KLHL29: variants seen among roughly 807,000 people sequenced by gnomAD.
KLHL29 encodes kelch-like protein 29.
In KLHL29, 21 loss-of-function variants were observed where a neutral mutation model predicts 80.4. That is an observed-to-expected ratio of 0.26 (90% CI 0.19 to 0.38). The LOEUF (loss-of-function observed/expected upper bound fraction) is 0.38, where lower values mean the gene tolerates loss of function less well. KLHL29 is among the 10% of genes least tolerant of loss of function. KLHL29 has a pLI of 1.00. For synonymous variants in KLHL29, 511 were observed against 526.8 expected (o/e 0.97, Z 0.41); for missense variants, 867 against 1,223.9 (o/e 0.71, Z 4.35).
At position 23,541,900 on chromosome 2, in the gene KLHL29, A is replaced by G. The variant is rs116007320; in HGVS notation, c.-45-20252A>G. On this transcript the variant is annotated intron_variant, in intron 2 of 13. Transcript: ENST00000486442. ...CTGGGAAACAGTAGGTGTGTCTTCCATCCAGAAGCTCTTGTTTCTGGCAAT... is the reference window on the plus strand; with the variant it reads ...CTGGGAAACAGTAGGTGTGTCTTCCGTCCAGAAGCTCTTGTTTCTGGCAAT... Among the ~76,000 whole-genome samples the G allele has an allele frequency of 4.3e-3, 650 of 152,258 alleles. 1 individual carries two copies. Among genetic ancestry groups the G allele is most frequent in the African/African-American group, 0.014 (574 of 41,536 alleles).
intron 1 of KLHL29, among the ~76,000 whole-genome samples, chr2:23,451,900 T>TGC (rs1360702198): frequency 2.0e-5 from 3 of 152,156 alleles, no homozygotes; most frequent in Admixed American, 6.5e-5. Flanking sequence ...AGCATGGCAC[T>TGC]GGCATCCTCT....
chr2:23,563,533 C>G (rs1396015539), intron 3 of KLHL29, among the ~76,000 whole-genome samples: 1 of 152,214 alleles, frequency 6.6e-6, no homozygotes, highest in Non-Finnish European at 1.5e-5. Flanking sequence ...GTGTGTGTGT[C>G]TAGGCTTTTC....
At chr2:23,540,022 C>CTGGCA (rs1666787236) in intron 2 of KLHL29, among the ~76,000 whole-genome samples, 3 of 152,168 alleles carry the variant, frequency 2.0e-5, no homozygotes, top group Admixed American at 2.0e-4. Flanking sequence ...TGTGAGTTGA[C>CTGGCA]TCTGGCATCC....
chr2:23,605,279 G>T (rs1014781596), intron 3 of KLHL29, among the ~76,000 whole-genome samples: 5 of 151,666 alleles, frequency 3.3e-5, no homozygotes, highest in Non-Finnish European at 5.9e-5. Flanking sequence ...TTAATTTTTT[G>T]AAGAGACGAG....
chr2:23,484,521 A>G (rs544496548), intron 2 of KLHL29, among the ~76,000 whole-genome samples: 1 of 152,352 alleles, frequency 6.6e-6, no homozygotes, highest in South Asian at 2.1e-4. Flanking sequence ...AGGTGCTGAA[A>G]GTGGAAAACG....
At chr2:23,455,080 G>A (rs935026962) in intron 1 of KLHL29, among the ~76,000 whole-genome samples, 4 of 151,852 alleles carry the variant, frequency 2.6e-5, no homozygotes, top group African/African-American at 7.3e-5. Flanking sequence ...AATTTATTGT[G>A]AATTAAATAA....
chr2:23,604,253 G>A (rs181716531), intron 3 of KLHL29, among the ~76,000 whole-genome samples: 29 of 140,104 alleles, frequency 2.1e-4, no homozygotes, highest in Middle Eastern at 3.5e-3. Context: ...ACAGGCGCCC[G>A]CCACCACGCC....
intron 1 of KLHL29, among the ~76,000 whole-genome samples, chr2:23,430,866 T>C (rs1289110050): frequency 6.6e-6 from 1 of 152,188 alleles, no homozygotes; most frequent in Admixed American, 6.5e-5. Context: ...GCAAAAAGAA[T>C]TGTCTCAGGT....
chr2:23,633,792 T>TGTGTGTGTGTGTGTGTGTG (rs1190935622), intron 3 of KLHL29, among the ~76,000 whole-genome samples: 7 of 151,798 alleles, frequency 4.6e-5, no homozygotes, highest in African/African-American at 7.3e-5. Context: ...TGTGTGTGTG[T>TGTGTGTGTGTGTGTGTGTG]TTAATTTGAC....
chr2:23,634,856 G>GC (rs1553348115), intron 3 of KLHL29, among the ~76,000 whole-genome samples: 2 of 152,160 alleles, frequency 1.3e-5, no homozygotes, highest in African/African-American at 4.8e-5. Flanking sequence ...TCCACCCTGT[G>GC]CATTCATTCA....
At chr2:23,671,920 C>T (rs1407804070) in intron 5 of KLHL29, 3 of 152,406 alleles carry the variant, frequency 2.0e-5, no homozygotes, top group African/African-American at 7.2e-5. Flanking sequence ...TGCCCCAATT[C>T]CCAGCCTCAT....
At chr2:23,641,127 T>G (rs1435374851) in intron 4 of KLHL29, among the ~76,000 whole-genome samples, 1 of 152,104 alleles carries the variant, frequency 6.6e-6, no homozygotes, top group Non-Finnish European at 1.5e-5. Context: ...GCTCATTTAG[T>G]CAGAGGCATC....
At chr2:23,640,441 C>T (rs1669736498) in intron 4 of KLHL29, among the ~76,000 whole-genome samples, 1 of 152,166 alleles carries the variant, frequency 6.6e-6, no homozygotes, top group Non-Finnish European at 1.5e-5. Context: ...GGGCCCCACC[C>T]ATTACGCTTT....
intron 1 of KLHL29, among the ~76,000 whole-genome samples, chr2:23,394,878 A>G (rs1279031148): frequency 6.6e-6 from 1 of 152,212 alleles, no homozygotes; most frequent in East Asian, 1.9e-4. Context: ...TTGTGGTCAG[A>G]AGGCTTCCTG....
intron 1 of KLHL29, among the ~76,000 whole-genome samples, chr2:23,387,637 A>G (rs923762623): frequency 2.0e-5 from 3 of 152,100 alleles, no homozygotes; most frequent in African/African-American, 4.8e-5. Flanking sequence ...TAGAGAAAAC[A>G]TGTCCAGTAA....
At chr2:23,674,352 C>T (rs568055417) in intron 5 of KLHL29, among the ~76,000 whole-genome samples, 1 of 152,234 alleles carries the variant, frequency 6.6e-6, no homozygotes, top group South Asian at 2.1e-4. Context: ...TCTGAGTCTG[C>T]CTCTGAAGGA....
chr2:23,574,861 A>C (rs1483961559), intron 3 of KLHL29, among the ~76,000 whole-genome samples: 2 of 152,206 alleles, frequency 1.3e-5, no homozygotes, highest in Non-Finnish European at 2.9e-5. Flanking sequence ...GGTGTCGGTC[A>C]CAGGGAGCAG....
At chr2:23,643,155 C>A in intron 5 of KLHL29, 1 of 539,412 alleles carries the variant, frequency 1.9e-6, no homozygotes, top group Non-Finnish European at 3.4e-6. Flanking sequence ...GCCATTCTCA[C>A]CTCCAACCCC....
rs987267381 is a variant in KLHL29 at position 23,706,847 on chromosome 2, C to T, written c.*183C>T. The stretch of plus-strand genomic sequence containing the variant: ...AAATCATCCTCGCCTTTGGATGAAA[C>T]GGAGGCACCGCGCTTGGAGCCGCAG... On this transcript the variant is annotated 3_prime_UTR_variant, in exon 14 of 14. Coordinates refer to ENST00000486442, the MANE Select transcript of KLHL29 (RefSeq NM_052920.2). 2.5e-5 allele frequency: 13 copies of T among 521,944 alleles called. No individual in the cohort carries two copies. The highest frequency in any genetic ancestry group is 2.1e-4 in the East Asian group (6 of 29,000). The allele number at this position is 521,944 out of a possible 1,614,324, so 32.3% of individuals were successfully genotyped here.
Sources: allele counts gnomAD v4.1 joint callset (sites outside exome capture counted in the v4.1 genomes callset), GRCh38; gene constraint gnomAD v4.1.1; transcripts MANE v1.5; gene names NCBI Gene and HGNC (gene_info 2026-07-23, HGNC 2026-07-21).